The following RORA variants were observed in gnomAD, a reference collection of about 807,000 sequenced individuals.
The protein encoded by RORA is nuclear receptor ROR-alpha.
RORA carries 7 observed loss-of-function variants against 69.5 expected under a neutral mutation model. That is an observed-to-expected ratio of 0.10 (90% CI 0.06 to 0.19). RORA has a LOEUF of 0.19. Among genes scored for constraint, RORA ranks in the 10% least tolerant of loss-of-function variants. The pLI is 1.00. For synonymous variants in RORA, 261 were observed against 240.8 expected (o/e 1.08, Z -0.78); for missense variants, 457 against 663.0 (o/e 0.69, Z 3.41).
chr15:60,858,352 C>T lies in RORA; in HGVS notation c.167-179666G>A, dbSNP rs4775303. 4.7e-3 allele frequency among the ~76,000 whole-genome samples: 720 copies of T among 152,228 alleles called. 5 individuals are homozygous for T. The highest frequency in any genetic ancestry group is 0.02 in the Admixed American group (310 of 15,278). On this transcript the variant is annotated intron_variant, in intron 1 of 10. Transcript: ENST00000335670. ...TACTATTCCCATTATGGCAAAAACA[C>T]GTTCTGGGTCTTTCTACTGGTAAGT...
chr15:60,708,423 A>G (rs1189394478), intron 1 of RORA, among the ~76,000 whole-genome samples: 2 of 151,996 alleles, frequency 1.3e-5, no homozygotes, highest in African/African-American at 4.8e-5. Context: ...GTCTCAAAAA[A>G]AAAAAAAAAG....
chr15:60,933,833 G>A (rs1892441128), intron 1 of RORA, among the ~76,000 whole-genome samples: 1 of 152,196 alleles, frequency 6.6e-6, no homozygotes, highest in Admixed American at 6.5e-5. Context: ...GGAAAAAGCA[G>A]AGGCACTGGT....
intron 1 of RORA, among the ~76,000 whole-genome samples, chr15:61,066,779 T>C (rs994157539): frequency 1.3e-5 from 2 of 151,672 alleles, no homozygotes; most frequent in Non-Finnish European, 2.9e-5. Flanking sequence ...CCAGCTCTTT[T>C]TGGAACCAAG....
intron 2 of RORA, among the ~76,000 whole-genome samples, chr15:60,676,122 C>T (rs562114755): frequency 1.3e-5 from 2 of 151,984 alleles, no homozygotes; most frequent in African/African-American, 2.4e-5. Context: ...TAAAAAAAAA[C>T]GTATAGGCAA....
chr15:60,502,640 A>T, intron 8 of RORA, 120 bp downstream of exon 8: 1 of 731,628 alleles, frequency 1.4e-6, no homozygotes, highest in East Asian at 2.5e-5. Context: ...AATAGGTATA[A>T]AACCCCTTAA....
Position 60,696,235 on chromosome 15 carries a change from A to G in RORA, c.167-17549T>C, listed in dbSNP as rs77993246. ...CTCGCTAATGGGAACAATTCATTTAACCTGCACTCCAAGTACAGCCACGGA... is the reference window on the plus strand; with the variant it reads ...CTCGCTAATGGGAACAATTCATTTAGCCTGCACTCCAAGTACAGCCACGGA... On this transcript the variant is annotated intron_variant, in intron 1 of 10. Transcript: ENST00000335670. Among the ~76,000 whole-genome samples, 699 of 152,296 alleles carry G rather than the reference A, an allele frequency of 4.6e-3. 7 individuals are homozygous for G. Among genetic ancestry groups the G allele is most frequent in the African/African-American group, 0.016 (676 of 41,546 alleles).
intron 1 of RORA, among the ~76,000 whole-genome samples, chr15:61,113,019 G>T (rs1403685936): frequency 2.0e-5 from 3 of 152,248 alleles, no homozygotes; most frequent in Non-Finnish European, 2.9e-5. Flanking sequence ...CAGGTAAACA[G>T]AAAGCATTGG....
chr15:60,886,186 G>GT (rs1364738844), intron 1 of RORA, among the ~76,000 whole-genome samples: 18 of 152,202 alleles, frequency 1.2e-4, no homozygotes, highest in South Asian at 2.1e-4. Flanking sequence ...AAAGAACATG[G>GT]TTTTTTGTAA....
At chr15:60,868,565 T>G (rs1187740488) in intron 1 of RORA, among the ~76,000 whole-genome samples, 1 of 152,176 alleles carries the variant, frequency 6.6e-6, no homozygotes, top group Non-Finnish European at 1.5e-5. Context: ...CAACCCTGCC[T>G]GTGTGGCTAC....
chr15:61,168,770 C>T (rs540709125), intron 1 of RORA, among the ~76,000 whole-genome samples: 4 of 152,212 alleles, frequency 2.6e-5, no homozygotes, highest in Non-Finnish European at 4.4e-5. Context: ...ATCAAAACAC[C>T]GAGATTCAGT....
rs147695180 is a variant in RORA, at chr15:60,534,593, C to T, written c.197-2742G>A. 2.9e-3 allele frequency among the ~76,000 whole-genome samples: 438 copies of T among 152,146 alleles called. 11 individuals carry two copies. The highest frequency in any genetic ancestry group is 0.016 in the South Asian group (77 of 4,818). ...GAAACAGGCTTCACCGGGAATCTCT[C>T]GGTAAGGTGGTAGAAGGGTTTCTGG... On this transcript the variant is annotated intron_variant, in intron 2 of 10. Coordinates refer to ENST00000335670, the MANE Select transcript of RORA (RefSeq NM_134261.3). The surrounding 1 kb of genome is among the most constrained non-coding windows in gnomAD (Gnocchi z 5.0).
At chr15:60,899,492 G>C (rs1430585919) in intron 1 of RORA, among the ~76,000 whole-genome samples, 1 of 152,222 alleles carries the variant, frequency 6.6e-6, no homozygotes, top group Non-Finnish European at 1.5e-5. Flanking sequence ...TAAAAGGTAA[G>C]TGACCCAGAC....
intron 1 of RORA, 147 bp from the exon 2 acceptor site, chr15:60,678,833 C>G (rs1313512122): frequency 1.5e-6 from 1 of 660,086 alleles, no homozygotes; most frequent in African/African-American, 1.8e-5. Flanking sequence ...ACAGGAGTGT[C>G]ACTAGACCTA....
At chr15:60,682,649 C>T (rs2070662243) in intron 1 of RORA, among the ~76,000 whole-genome samples, 1 of 152,164 alleles carries the variant, frequency 6.6e-6, no homozygotes, top group Non-Finnish European at 1.5e-5. Flanking sequence ...GCTGCCTACT[C>T]ACTAGCAAGT....
At chr15:61,161,525 G>A (rs1410395330) in intron 1 of RORA, among the ~76,000 whole-genome samples, 2 of 152,106 alleles carry the variant, frequency 1.3e-5, no homozygotes, top group Admixed American at 6.5e-5. Flanking sequence ...TAATGTATGC[G>A]CATTCACATA....
intron 1 of RORA, among the ~76,000 whole-genome samples, chr15:60,909,454 C>A (rs1480428279): frequency 3.3e-5 from 5 of 152,134 alleles, no homozygotes; most frequent in African/African-American, 1.2e-4. Flanking sequence ...AAACTTATTC[C>A]ATGCCTTTCC....
At chr15:60,723,796 G>A (rs1420858900) in intron 1 of RORA, among the ~76,000 whole-genome samples, 1 of 152,134 alleles carries the variant, frequency 6.6e-6, no homozygotes, top group Non-Finnish European at 1.5e-5. Context: ...CTTGGGGCTT[G>A]GAGGCTACAA....
At chr15:60,913,785 G>C (rs1452434631) in intron 1 of RORA, among the ~76,000 whole-genome samples, 1 of 152,220 alleles carries the variant, frequency 6.6e-6, no homozygotes, top group Non-Finnish European at 1.5e-5. Context: ...TGTAGAGTTA[G>C]AGTCTATTAA....
chr15:61,181,549 G>A (rs1248978233), intron 1 of RORA, among the ~76,000 whole-genome samples: 5 of 152,030 alleles, frequency 3.3e-5, no homozygotes, highest in Admixed American at 2.0e-4. Flanking sequence ...GTCAAAGAGG[G>A]TTTGAAATTC....
Sources: gnomAD v4.1 joint callset for allele counts (sites outside exome capture counted in the v4.1 genomes callset) on GRCh38, gnomAD v4.1.1 for gene constraint, Gnocchi (gnomAD v3.1) non-coding constraint, MANE v1.5 for transcripts, NCBI Gene and HGNC (gene_info 2026-07-23, HGNC 2026-07-21) for gene names.